NHSL1: variants seen among roughly 807,000 people sequenced by gnomAD.
NHSL1 encodes the protein NHS like 1.
A neutral mutation model predicts 95.0 loss-of-function variants in NHSL1; 48 were observed. The observed-to-expected ratio is 0.51, with a 90% CI of 0.40 to 0.64. The LOEUF is 0.64. Ranked by LOEUF, NHSL1 falls within the 30% of genes least tolerant of loss-of-function variation. The pLI is 0.00. For missense variants in NHSL1, 1,971 were observed against 2,077.7 expected (o/e 0.95, Z 1.00); for synonymous variants, 783 against 833.9 (o/e 0.94, Z 1.05).
intron 1 of NHSL1, among the ~76,000 whole-genome samples, chr6:138,579,175 C>T (rs1347008240): frequency 6.6e-6 from 1 of 152,232 alleles, no homozygotes; most frequent in African/African-American, 2.4e-5. Context: ...CCACAGCTCC[C>T]CTCCTGCTGA....
intron 1 of NHSL1, among the ~76,000 whole-genome samples, chr6:138,545,312 A>G (rs187982030): frequency 1.2e-4 from 19 of 152,162 alleles, no homozygotes; most frequent in Middle Eastern, 3.4e-3. Flanking sequence ...CTATTCCTAT[A>G]TTTATTGAGT....
In NHSL1 at chr6:138,559,065, A is replaced by G. The variant is rs11964515; in HGVS notation, c.202+12645T>C. ...CTCTATCTCTTTAAAAAGAAAAAAA[A>G]AAAAAGAAAACCACCAAAACATTGC... is the stretch of plus-strand genomic sequence containing the variant. On this transcript the variant is annotated intron_variant, in intron 1 of 6. Coordinates refer to the NHSL1 transcript ENST00000427025. 5.1e-3 allele frequency among the ~76,000 whole-genome samples: 771 copies of G among 152,252 alleles called. 9 individuals carry two copies. The highest frequency in any genetic ancestry group is 0.018 in the African/African-American group (731 of 41,554).
intron 1 of NHSL1, among the ~76,000 whole-genome samples, chr6:138,683,653 T>C (rs1450071203): frequency 2.0e-5 from 3 of 152,208 alleles, no homozygotes; most frequent in Non-Finnish European, 4.4e-5. Context: ...GGTCATAATT[T>C]GAAGTTAGAT....
intron 1 of NHSL1, among the ~76,000 whole-genome samples, chr6:138,625,122 C>G (rs956392347): frequency 1.3e-5 from 2 of 151,016 alleles, no homozygotes; most frequent in East Asian, 3.9e-4. Context: ...TCAATTAACA[C>G]TTTTTTGTTG....
chr6:138,499,152 CACACACAG>C (rs57483336), intron 1 of NHSL1, 73 bp downstream of exon 1: 140,500 of 841,268 alleles, frequency 0.17, 9,865 homozygotes, highest in East Asian at 0.27. Context: ...CACACACACA[CACACACAG>C]ACACACAGGG....
Position 138,610,555 on chromosome 6 carries a change from A to G in NHSL1, c.96+81921T>C, listed in dbSNP as rs914692338. On this transcript the variant is annotated intron_variant, in intron 1 of 3. Coordinates refer to the NHSL1 transcript ENST00000491526. ...AAAGTATAATAATAAAAAAATATAT[A>G]TATATTATATATATATATAAAAAGA... 1.4e-4 allele frequency among the ~76,000 whole-genome samples: 19 copies of G among 131,068 alleles called. No homozygotes were observed. In the East Asian group the frequency reaches 3.4e-3, roughly 23 times the overall value. 86.0% of individuals were successfully genotyped at this position (131,068 alleles called of 152,430 possible). A position where few individuals can be genotyped will look rare whatever the true frequency, so the allele number is the denominator to read the frequency against.
At chr6:138,482,508 G>T (rs1779488627) in intron 2 of NHSL1, among the ~76,000 whole-genome samples, 1 of 151,460 alleles carries the variant, frequency 6.6e-6, no homozygotes, top group Non-Finnish European at 1.5e-5. Context: ...CAGAAAGTTG[G>T]AAAAGAGAAA....
intron 1 of NHSL1, among the ~76,000 whole-genome samples, chr6:138,514,309 C>A (rs1414681267): frequency 2.8e-5 from 4 of 143,558 alleles, no homozygotes; most frequent in Non-Finnish European, 6.0e-5. Context: ...CAGAGCAAGA[C>A]TCCATCTCAA....
chr6:138,487,223 A>G (rs1330718710), intron 2 of NHSL1, among the ~76,000 whole-genome samples: 5 of 152,200 alleles, frequency 3.3e-5, no homozygotes, highest in African/African-American at 9.7e-5. Context: ...AGGTTTCTAG[A>G]TGCTAAGAGC....
rs1256962521 is a variant in NHSL1 at position 138,557,112 on chromosome 6, AAC to A, written c.202+14596_202+14597del. 4.6e-5 allele frequency among the ~76,000 whole-genome samples: 7 copies of A among 152,358 alleles called. No homozygotes were observed. The East Asian group carries it at 1.3e-3, about 29-fold the overall frequency. ...TGATTAAAATGTAATGTTTACAGAA[AAC>A]ACTGGGATGGCCAAATACAGTCACC... On this transcript the variant is annotated intron_variant, in intron 1 of 6. Transcript: ENST00000427025.
Position 138,569,575 on chromosome 6 carries a change from A to T in NHSL1, c.202+2135T>A, listed in dbSNP as rs551251368. On this transcript the variant is annotated intron_variant, in intron 1 of 6. Transcript: ENST00000427025. Reference sequence around the variant, plus strand: ...ATAATCCTTGCTAGAGTTTCAGCCTATTTGATGCTTCTAAGAAAAAACTTC... The same window carrying T: ...ATAATCCTTGCTAGAGTTTCAGCCTTTTTGATGCTTCTAAGAAAAAACTTC... Among the ~76,000 whole-genome samples the T allele has an allele frequency of 5.9e-5, 9 of 152,256 alleles. No homozygotes were observed. In the South Asian group the frequency reaches 1.9e-3, roughly 32 times the overall value.
chr6:138,445,147 C>T (rs551393087), intron 4 of NHSL1, among the ~76,000 whole-genome samples: 1 of 152,248 alleles, frequency 6.6e-6, no homozygotes, highest in East Asian at 1.9e-4. Context: ...ATTCCTGAAA[C>T]TCTAATTACT....
intron 1 of NHSL1, among the ~76,000 whole-genome samples, chr6:138,528,438 C>A (rs1782001723): frequency 6.6e-6 from 1 of 152,156 alleles, no homozygotes; most frequent in Non-Finnish European, 1.5e-5. Context: ...TGCCAACCTA[C>A]CCTGCCTTTT....
At chr6:138,640,634 C>T in intron 1 of NHSL1, among the ~76,000 whole-genome samples, 1 of 152,100 alleles carries the variant, frequency 6.6e-6, no homozygotes, top group East Asian at 1.9e-4. Context: ...TGTAAGAATA[C>T]AGTATATATG....
At chr6:138,634,723 T>A (rs187425432) in intron 1 of NHSL1, among the ~76,000 whole-genome samples, 72 of 151,998 alleles carry the variant, frequency 4.7e-4, no homozygotes, top group African/African-American at 1.7e-3. Context: ...GAACATTGCA[T>A]CCAATGGCTG....
chr6:138,446,830 T>G (rs1776893072), intron 4 of NHSL1, 171 bp downstream of exon 4: 1 of 639,808 alleles, frequency 1.6e-6, no homozygotes, highest in East Asian at 2.8e-5. Flanking sequence ...GTAGACATTT[T>G]ATATGCACAC....
chr6:138,522,034 G>A (rs755869236), intron 1 of NHSL1, among the ~76,000 whole-genome samples: 21 of 152,148 alleles, frequency 1.4e-4, no homozygotes, highest in Non-Finnish European at 2.5e-4. Context: ...ATGCTAGTAA[G>A]TACGGCAAAG....
In NHSL1 at chr6:138,621,467, CATT is replaced by C. The variant is rs1396618625; in HGVS notation, c.96+71006_96+71008del. Among the ~76,000 whole-genome samples the C allele has an allele frequency of 3.6e-5, 5 of 137,172 alleles. No individual in the cohort carries two copies. The East Asian group carries it at 9.8e-4, about 27-fold the overall frequency. 90.0% of individuals were successfully genotyped at this position (137,172 alleles called of 152,430 possible). A position where few individuals can be genotyped will look rare whatever the true frequency, so the allele number is the denominator to read the frequency against. ...TGAACTTCCTATTTTTAGAAAGTAT[CATT>C]GATTTTTTTTTTTTCCCCCCAAGAT... On this transcript the variant is annotated intron_variant, in intron 1 of 3. Coordinates refer to the NHSL1 transcript ENST00000491526.
chr6:138,540,328 T>C (rs965097175), intron 1 of NHSL1, among the ~76,000 whole-genome samples: 2 of 152,212 alleles, frequency 1.3e-5, no homozygotes, highest in Non-Finnish European at 2.9e-5. Flanking sequence ...GCATTTTGAT[T>C]TTTAAAAGTC....
Sources: allele counts gnomAD v4.1 joint callset (sites outside exome capture counted in the v4.1 genomes callset), GRCh38; gene constraint gnomAD v4.1.1; transcripts MANE v1.5; gene names NCBI Gene and HGNC (gene_info 2026-07-23, HGNC 2026-07-21).